PRRX1: variants seen among roughly 807,000 people sequenced by gnomAD.
PRRX1 encodes the protein paired related homeobox 1.
PRRX1 carries 8 observed loss-of-function variants against 24.0 expected under a neutral mutation model. That is an observed-to-expected ratio of 0.33 (90% CI 0.20 to 0.60). PRRX1 has a LOEUF of 0.60. PRRX1 is among the 20% of genes least tolerant of loss of function. The pLI is 0.82. For synonymous variants in PRRX1, 160 were observed against 131.7 expected, an observed-to-expected ratio of 1.22 and a Z score of -1.47; for missense variants, 281 against 322.4, an observed-to-expected ratio of 0.87 and a Z score of 0.98.
At chr1:170,704,892 C>A (rs1387522631) in intron 1 of PRRX1, among the ~76,000 whole-genome samples, 2 of 152,202 alleles carry the variant, frequency 1.3e-5, no homozygotes, top group Non-Finnish European at 2.9e-5. Context: ...TCTGTTGTTA[C>A]TGGATGCTTT....
At chr1:170,676,030 C>T (rs1187587526) in intron 1 of PRRX1, among the ~76,000 whole-genome samples, 1 of 152,118 alleles carries the variant, frequency 6.6e-6, no homozygotes, top group Non-Finnish European at 1.5e-5. Context: ...TGGCCTATAA[C>T]CAGATGTGCT....
At chr1:170,699,897 G>A (rs1207911482) in intron 1 of PRRX1, among the ~76,000 whole-genome samples, 8 of 151,950 alleles carry the variant, frequency 5.3e-5, no homozygotes, top group Non-Finnish European at 8.8e-5. Context: ...CACCACGCTC[G>A]GGTAATTTCT....
At chr1:170,662,936 T>C (rs899582011), upstream of PRRX1, 7 of 152,158 alleles carry the variant, frequency 4.6e-5, no homozygotes, top group African/African-American at 1.7e-4. Context: ...TGAGTTTCAG[T>C]TTGTCTTTTC....
chr1:170,663,298 A>G (rs1652788914), upstream of PRRX1: 1 of 152,152 alleles, frequency 6.6e-6, no homozygotes, highest in Admixed American at 6.5e-5. Flanking sequence ...CTGCCCTCCC[A>G]GGGGTCTCCA....
Position 170,664,631 on chromosome 1 carries a change from C to T in PRRX1, c.241+172C>T, listed in dbSNP as rs182702848. On this transcript the variant is annotated intron_variant, in intron 1 of 3. Coordinates refer to ENST00000239461, the MANE Select transcript of PRRX1 (RefSeq NM_022716.4). ...CACAGGGGAAACCAGATGAGAAAAG[C>T]GGGTCTCGGCCGAGGGCATAGCCAA... 4.1e-4 allele frequency among the ~76,000 whole-genome samples: 62 copies of T among 152,294 alleles called. 1 individual carries two copies. Among genetic ancestry groups the T allele is most frequent in the Middle Eastern group, 6.8e-3 (2 of 294 alleles).
At chr1:170,699,059 T>C (rs1654266413) in intron 1 of PRRX1, among the ~76,000 whole-genome samples, 2 of 152,240 alleles carry the variant, frequency 1.3e-5, no homozygotes, top group African/African-American at 4.8e-5. Context: ...TTAAAGGTTG[T>C]AATTTCTTGT....
rs1305797582 is a variant in PRRX1 at position 170,664,369 on chromosome 1, G to A, written c.151G>A (p.Ala51Thr). The change falls in exon 1 of 4, where the codon GCA becomes ACA. Residue 51 changes from alanine (A) to threonine (T), a missense_variant. Transcript: ENST00000239461. Reference sequence around the variant, plus strand: ...GGAGGAAGCCGGGGACATGGTGGCGGCACAGGCGGATGAGAACGTGGGCGA... The same window carrying A: ...GGAGGAAGCCGGGGACATGGTGGCGACACAGGCGGATGAGAACGTGGGCGA... ...DLEEAGDMVAAQADENVGEAG... is the reference protein window; with the variant it reads ...DLEEAGDMVATQADENVGEAG... 6.2e-7 allele frequency: 1 copy of A among 1,613,794 alleles called. No individual in the cohort carries two copies.
intron 2 of PRRX1, among the ~76,000 whole-genome samples, chr1:170,723,082 A>G (rs751939080): frequency 2.6e-5 from 4 of 152,142 alleles, no homozygotes; most frequent in Non-Finnish European, 4.4e-5. Context: ...AGTAACGGGG[A>G]GCCAGTAGAT....
intron 1 of PRRX1, among the ~76,000 whole-genome samples, chr1:170,685,896 T>TA (rs1653716839): frequency 1.3e-5 from 2 of 151,910 alleles, no homozygotes; most frequent in East Asian, 3.8e-4. Context: ...ATTTTTTTTT[T>TA]ACAAGTCAGA....
At chr1:170,675,782 T>C (rs1653302610) in intron 1 of PRRX1, among the ~76,000 whole-genome samples, 1 of 152,140 alleles carries the variant, frequency 6.6e-6, no homozygotes, top group Non-Finnish European at 1.5e-5. Flanking sequence ...TGAATACAAA[T>C]ATTTTATTTA....
At chr1:170,714,001 C>T (rs540718440) in intron 1 of PRRX1, among the ~76,000 whole-genome samples, 1 of 152,186 alleles carries the variant, frequency 6.6e-6, no homozygotes, top group Non-Finnish European at 1.5e-5. Context: ...GCTGTTGAGA[C>T]GATGTGTGTG....
intron 1 of PRRX1, among the ~76,000 whole-genome samples, chr1:170,676,228 G>GT (rs1307719387): frequency 6.6e-6 from 1 of 152,126 alleles, no homozygotes; most frequent in East Asian, 1.9e-4. Context: ...ACATTTGACT[G>GT]TTACAGTCTG....
At chr1:170,720,344 C>G (rs572737801) in intron 2 of PRRX1, among the ~76,000 whole-genome samples, 1 of 152,192 alleles carries the variant, frequency 6.6e-6, no homozygotes, top group South Asian at 2.1e-4. Context: ...GGAGCTGGTA[C>G]TTATAAGGGT....
chr1:170,672,146 C>A (rs1319069363), intron 1 of PRRX1, among the ~76,000 whole-genome samples: 3 of 152,152 alleles, frequency 2.0e-5, no homozygotes, highest in African/African-American at 7.2e-5. Flanking sequence ...GCAAATCTGA[C>A]TCCTGGCCTC....
chr1:170,732,601 C>A lies in PRRX1; in HGVS notation c.600-3447C>A, dbSNP rs577267657. Among the ~76,000 whole-genome samples the A allele has an allele frequency of 1.4e-4, 22 of 152,210 alleles. No individual in the cohort carries two copies. The South Asian group carries it at 4.1e-3, about 29-fold the overall frequency. On this transcript the variant is annotated intron_variant, in intron 3 of 3. Coordinates refer to ENST00000239461, the MANE Select transcript of PRRX1 (RefSeq NM_022716.4). Reference sequence around the variant, plus strand: ...GTCAAACTACTGGAAAACAGACTTGCAATTATTTAGTATGTGTACAAAATA... The same window carrying A: ...GTCAAACTACTGGAAAACAGACTTGAAATTATTTAGTATGTGTACAAAATA...
At chr1:170,715,101 T>C (rs1654865834) in intron 1 of PRRX1, among the ~76,000 whole-genome samples, 1 of 152,184 alleles carries the variant, frequency 6.6e-6, no homozygotes, top group South Asian at 2.1e-4. Context: ...CAAGGCTTTT[T>C]CCCTCTCTAA....
In PRRX1 at chr1:170,712,824, T is replaced by C. The variant is rs78262449; in HGVS notation, c.242-6902T>C. On this transcript the variant is annotated intron_variant, in intron 1 of 3. Coordinates refer to ENST00000239461, the MANE Select transcript of PRRX1 (RefSeq NM_022716.4). ...TGTTCTTATTTCTAAGCTGGTTTAC[T>C]TTCTACTCCACTCCACTTCCAACTA... 7.7e-3 allele frequency among the ~76,000 whole-genome samples: 1,168 copies of C among 152,296 alleles called. 16 individuals are homozygous for C. Among genetic ancestry groups the C allele is most frequent in the African/African-American group, 0.027 (1,109 of 41,566 alleles).
intron 1 of PRRX1, among the ~76,000 whole-genome samples, chr1:170,675,205 C>T (rs1308914061): frequency 6.6e-6 from 1 of 152,178 alleles, no homozygotes; most frequent in Non-Finnish European, 1.5e-5. Flanking sequence ...TCAGAGTAAA[C>T]AGCTTCTTTT....
intron 3 of PRRX1, among the ~76,000 whole-genome samples, 176 bp from the exon 4 acceptor site, chr1:170,735,872 C>G (rs1408837679): frequency 6.6e-6 from 1 of 152,192 alleles, no homozygotes; most frequent in Non-Finnish European, 1.5e-5. Flanking sequence ...CCACTCTTCC[C>G]TAAGTACCTT....
Sources: gnomAD v4.1 joint callset for allele counts (sites outside exome capture counted in the v4.1 genomes callset) on GRCh38, gnomAD v4.1.1 for gene constraint, MANE v1.5 for transcripts, NCBI Gene and HGNC (gene_info 2026-07-23, HGNC 2026-07-21) for gene names.